The following CDH18 variants were observed in gnomAD, a reference collection of about 807,000 sequenced individuals.
CDH18 encodes cadherin-18.
In CDH18, 31 loss-of-function variants were observed where a neutral mutation model predicts 67.9. The observed-to-expected ratio is 0.46, with a 90% confidence interval of 0.34 to 0.62. The LOEUF is 0.62. Among genes scored for constraint, CDH18 ranks in the 20% least tolerant of loss-of-function variants. The probability of loss-of-function intolerance (pLI) is 0.01; values close to 1 mark genes in which losing one functional copy is unlikely to be tolerated. For synonymous variants in CDH18, 362 were observed against 347.2 expected, an observed-to-expected ratio of 1.04 and a Z score of -0.48; for missense variants, 890 against 975.5, an observed-to-expected ratio of 0.91 and a Z score of 1.17.
intron 1 of CDH18, among the ~76,000 whole-genome samples, chr5:20,285,721 G>A (rs1746650242): frequency 6.6e-6 from 1 of 151,462 alleles, no homozygotes; most frequent in Non-Finnish European, 1.5e-5. Flanking sequence ...TGAAATAATT[G>A]ATATGCCTTT....
intron 1 of CDH18, among the ~76,000 whole-genome samples, chr5:20,563,217 G>A (rs1581205717): frequency 6.6e-6 from 1 of 152,134 alleles, no homozygotes; most frequent in African/African-American, 2.4e-5. Context: ...ATGGGGCAGA[G>A]TGAGAAAAAG....
chr5:20,506,164 G>C lies in CDH18; in HGVS notation c.-580+69298C>G, dbSNP rs6873925. On this transcript the variant is annotated intron_variant, in intron 1 of 14. Coordinates refer to the CDH18 transcript ENST00000507958. ...GGGATCCTCACCTAATTCTGACTTA[G>C]TGTGAATGTATTCTTAAGGTACCCT... Among the ~76,000 whole-genome samples the C allele has an allele frequency of 2.2e-3, 340 of 152,326 alleles. 2 individuals carry two copies. The highest frequency in any genetic ancestry group is 3.5e-3 in the Non-Finnish European group (237 of 68,026).
intron 5 of CDH18, among the ~76,000 whole-genome samples, chr5:19,661,056 A>G (rs983170720): frequency 1.3e-5 from 2 of 152,070 alleles, no homozygotes; most frequent in Non-Finnish European, 2.9e-5. Context: ...AAAGAAAGAA[A>G]AAAACAAAAG....
rs181470494 is a variant in CDH18, at chr5:19,968,222, C to T, written c.-257+12838G>A. ...CAAACAAATGGAAAAACATTCCATG[C>T]TCATGGGTGGGAAGAATCAATATCG... is the stretch of plus-strand genomic sequence containing the variant. On this transcript the variant is annotated intron_variant, in intron 2 of 12. Transcript: ENST00000382275. Among the ~76,000 whole-genome samples the T allele has an allele frequency of 4.1e-4, 63 of 152,208 alleles. No homozygotes were observed. In the Middle Eastern group the frequency reaches 0.014, roughly 33 times the overall value.
intron 2 of CDH18, among the ~76,000 whole-genome samples, chr5:19,859,907 G>A (rs1784695060): frequency 1.3e-5 from 2 of 151,704 alleles, no homozygotes; most frequent in African/African-American, 4.8e-5. Context: ...ACTTTACAGT[G>A]TTTGACTCTT....
intron 3 of CDH18, among the ~76,000 whole-genome samples, chr5:19,750,928 T>C (rs1770758953): frequency 6.6e-6 from 1 of 152,002 alleles, no homozygotes; most frequent in African/African-American, 2.4e-5. Context: ...CAAGAAGAGA[T>C]AGTCTTTGGG....
intron 1 of CDH18, among the ~76,000 whole-genome samples, chr5:20,451,319 G>A (rs575825297): frequency 2.6e-5 from 4 of 152,068 alleles, no homozygotes; most frequent in Non-Finnish European, 5.9e-5. Flanking sequence ...GTTGCTAAGA[G>A]TTTTTATTTC....
intron 1 of CDH18, among the ~76,000 whole-genome samples, chr5:20,488,184 C>T (rs974236507): frequency 1.3e-5 from 2 of 152,042 alleles, no homozygotes; most frequent in African/African-American, 4.8e-5. Flanking sequence ...AATTGGAAAT[C>T]TAAAGGTTTG....
intron 1 of CDH18, among the ~76,000 whole-genome samples, chr5:20,473,654 G>C (rs1752243349): frequency 6.6e-6 from 1 of 151,954 alleles, no homozygotes; most frequent in South Asian, 2.1e-4. Context: ...TGCTTTTGTG[G>C]CTTTCTAAAC....
intron 7 of CDH18, among the ~76,000 whole-genome samples, chr5:19,583,662 G>C (rs1328452650): frequency 6.6e-6 from 1 of 152,114 alleles, no homozygotes; most frequent in Non-Finnish European, 1.5e-5. Context: ...GGTAGTATTA[G>C]ATAGTAGTTA....
intron 2 of CDH18, among the ~76,000 whole-genome samples, chr5:20,188,257 C>G (rs1222726444): frequency 6.6e-6 from 1 of 151,986 alleles, no homozygotes; most frequent in Non-Finnish European, 1.5e-5. Flanking sequence ...TAAGAAACCT[C>G]ATGTTGAAGC....
intron 5 of CDH18, among the ~76,000 whole-genome samples, chr5:19,670,707 G>A (rs959767977): frequency 1.3e-5 from 2 of 152,100 alleles, no homozygotes; most frequent in African/African-American, 4.8e-5. Context: ...CAGGTAAGAT[G>A]AATTCAGGAG....
At chr5:19,636,002 G>GAT (rs1221535742) in intron 5 of CDH18, among the ~76,000 whole-genome samples, 1 of 152,042 alleles carries the variant, frequency 6.6e-6, no homozygotes, top group Non-Finnish European at 1.5e-5. Context: ...GTAAAGTGCC[G>GAT]ATGAATTGTG....
intron 2 of CDH18, among the ~76,000 whole-genome samples, chr5:19,920,401 C>T (rs995721310): frequency 5.3e-5 from 8 of 151,978 alleles, no homozygotes; most frequent in Non-Finnish European, 1.0e-4. Flanking sequence ...GCAGTAAGGT[C>T]ATTGCTGTCA....
chr5:19,640,229 TA>T (rs1325158550), intron 5 of CDH18, among the ~76,000 whole-genome samples: 4 of 152,132 alleles, frequency 2.6e-5, no homozygotes, highest in African/African-American at 9.7e-5. Flanking sequence ...AGCACTGTAA[TA>T]GGGGTCCATA....
chr5:20,064,998 A>G (rs1253449004), intron 2 of CDH18, among the ~76,000 whole-genome samples: 2 of 151,996 alleles, frequency 1.3e-5, no homozygotes, highest in Non-Finnish European at 2.9e-5. Flanking sequence ...GGTCTTTGTG[A>G]TTAATTTTCC....
At chr5:20,131,537 T>C (rs1330062920) in intron 2 of CDH18, among the ~76,000 whole-genome samples, 1 of 152,104 alleles carries the variant, frequency 6.6e-6, no homozygotes, top group African/African-American at 2.4e-5. Context: ...TTGCAGGTAA[T>C]AGCAATTTGA....
At chr5:20,308,079 C>CTTTTTTTTTTTTTTTT (rs759117114) in intron 1 of CDH18, among the ~76,000 whole-genome samples, 2 of 85,438 alleles carry the variant, frequency 2.3e-5, no homozygotes, top group African/African-American at 1.1e-4. Flanking sequence ...AATACTACTG[C>CTTTTTTTTTTTTTTTT]TTTTTTTTTT....
rs941921942 is a variant in CDH18, at chr5:19,853,958, C to T, written c.-256-14716G>A. Among the ~76,000 whole-genome samples the T allele has an allele frequency of 3.9e-5, 6 of 151,992 alleles. No homozygotes were observed. The East Asian group carries it at 7.7e-4, about 20-fold the overall frequency. ...ATTGTTAAAAACCACTTCATAAAAACGGAAAATGTCTACGTGGCACAAATG... is the reference window on the plus strand; with the variant it reads ...ATTGTTAAAAACCACTTCATAAAAATGGAAAATGTCTACGTGGCACAAATG... On this transcript the variant is annotated intron_variant, in intron 2 of 12. Transcript: ENST00000382275.
Sources: allele counts gnomAD v4.1 joint callset (sites outside exome capture counted in the v4.1 genomes callset), GRCh38; gene constraint gnomAD v4.1.1; transcripts MANE v1.5; gene names NCBI Gene and HGNC (gene_info 2026-07-23, HGNC 2026-07-21).